The following SOX5 variants were observed in gnomAD, a reference collection of about 807,000 sequenced individuals.
The protein encoded by SOX5 is SRY-box transcription factor 5.
A neutral mutation model predicts 92.0 loss-of-function variants in SOX5; 9 were observed. That is an observed-to-expected ratio of 0.10 (90% CI 0.06 to 0.17). SOX5 has a LOEUF of 0.17. Ranked by LOEUF, SOX5 falls within the 10% of genes least tolerant of loss-of-function variation. The pLI is 1.00. For synonymous variants in SOX5, 344 were observed against 336.3 expected, an observed-to-expected ratio of 1.02 and a Z score of -0.25; for missense variants, 642 against 944.5, an observed-to-expected ratio of 0.68 and a Z score of 4.20.
intron 8 of SOX5, among the ~76,000 whole-genome samples, chr12:23,618,680 A>G (rs1203593335): frequency 6.6e-6 from 1 of 152,164 alleles, no homozygotes; most frequent in African/African-American, 2.4e-5. Context: ...GAGTTTGGTG[A>G]GAAAGATGAA....
chr12:24,165,128 T>C (rs1452566152), intron 4 of SOX5, among the ~76,000 whole-genome samples: 1 of 152,124 alleles, frequency 6.6e-6, no homozygotes, highest in Non-Finnish European at 1.5e-5. Flanking sequence ...ACTTTGTGCA[T>C]ATGCCTAGTT....
chr12:23,968,103 T>C (rs1469210909), intron 4 of SOX5, among the ~76,000 whole-genome samples: 3 of 152,204 alleles, frequency 2.0e-5, no homozygotes, highest in African/African-American at 7.2e-5. Context: ...AAATAGTTGA[T>C]GCCAGAATGC....
At chr12:24,403,423 C>T (rs1962212861) in intron 1 of SOX5, among the ~76,000 whole-genome samples, 1 of 152,146 alleles carries the variant, frequency 6.6e-6, no homozygotes, top group South Asian at 2.1e-4. Context: ...CTCAGTAAAG[C>T]TCGGTTGAAT....
intron 4 of SOX5, among the ~76,000 whole-genome samples, chr12:23,963,796 A>G (rs1361262820): frequency 1.3e-5 from 2 of 150,460 alleles, no homozygotes; most frequent in Non-Finnish European, 3.0e-5. Flanking sequence ...GGAAGGCTAT[A>G]TATTCCATAC....
chr12:23,830,984 C>T (rs1356106083), intron 3 of SOX5, among the ~76,000 whole-genome samples: 2 of 152,072 alleles, frequency 1.3e-5, no homozygotes, highest in Non-Finnish European at 2.9e-5. Context: ...GTCTTTGCTA[C>T]AGAATAATTA....
In SOX5 at chr12:24,204,376, T is replaced by A. The variant is rs1249475672; in HGVS notation, c.-2+8967A>T. ...TGGACTTCCACTCTGTCGCCCAGGCTGGAGTGCAGTGGCACAATTCCGGCT... is the reference window on the plus strand; with the variant it reads ...TGGACTTCCACTCTGTCGCCCAGGCAGGAGTGCAGTGGCACAATTCCGGCT... On this transcript the variant is annotated intron_variant, in intron 4 of 4. Transcript: ENST00000446891. Among the ~76,000 whole-genome samples, 4 of 151,966 alleles carry A rather than the reference T, an allele frequency of 2.6e-5. No homozygotes were observed. The East Asian group carries it at 7.7e-4, about 29-fold the overall frequency.
intron 8 of SOX5, among the ~76,000 whole-genome samples, chr12:23,612,052 A>G (rs1172804938): frequency 2.0e-5 from 3 of 152,138 alleles, no homozygotes; most frequent in African/African-American, 4.8e-5. Flanking sequence ...ATGGAGAGTG[A>G]TAAGAGCATG....
chr12:24,463,492 G>T (rs184461465), intron 1 of SOX5, among the ~76,000 whole-genome samples: 87 of 152,226 alleles, frequency 5.7e-4, no homozygotes, highest in Non-Finnish European at 1.0e-3. Flanking sequence ...CTGAAATACA[G>T]TTTGACAGCC....
chr12:23,752,997 CAACATGAAAAAT>C (rs1383001168), intron 4 of SOX5, among the ~76,000 whole-genome samples: 3 of 151,608 alleles, frequency 2.0e-5, no homozygotes, highest in African/African-American at 7.3e-5. Context: ...TAAAATAATC[CAACATGAAAAAT>C]AACTTTATGC....
intron 2 of SOX5, among the ~76,000 whole-genome samples, chr12:24,357,134 T>G (rs1954934225): frequency 6.6e-6 from 1 of 152,178 alleles, no homozygotes; most frequent in South Asian, 2.1e-4. Context: ...TGGATTACAT[T>G]TTGAGAGACT....
At chr12:23,724,572 T>G (rs1450352815) in intron 6 of SOX5, among the ~76,000 whole-genome samples, 2 of 152,190 alleles carry the variant, frequency 1.3e-5, no homozygotes, top group Non-Finnish European at 2.9e-5. Context: ...TTTAACCTTA[T>G]TTGCTACTGT....
intron 3 of SOX5, among the ~76,000 whole-genome samples, chr12:23,765,681 T>C (rs921650350): frequency 6.6e-6 from 1 of 152,142 alleles, no homozygotes; most frequent in Non-Finnish European, 1.5e-5. Flanking sequence ...TTGCTTTTAA[T>C]GGCATAAAGT....
At chr12:24,373,988 A>G (rs943547978) in intron 1 of SOX5, among the ~76,000 whole-genome samples, 2 of 152,226 alleles carry the variant, frequency 1.3e-5, no homozygotes, top group African/African-American at 2.4e-5. Flanking sequence ...ATTTGAGAGT[A>G]AAAAGCAGTG....
intron 1 of SOX5, among the ~76,000 whole-genome samples, chr12:24,555,744 A>AGTGT (rs1007821877): frequency 6.6e-6 from 1 of 151,896 alleles, no homozygotes; most frequent in Non-Finnish European, 1.5e-5. Flanking sequence ...CATGTGTGTG[A>AGTGT]GTGTGTGTGT....
chr12:23,983,874 CAAATT>C (rs1949824454), intron 4 of SOX5, among the ~76,000 whole-genome samples: 1 of 151,936 alleles, frequency 6.6e-6, no homozygotes, highest in African/African-American at 2.4e-5. Flanking sequence ...TAAGGTAAAA[CAAATT>C]AAAACAAAAA....
intron 3 of SOX5, among the ~76,000 whole-genome samples, chr12:24,220,237 A>G (rs1366166764): frequency 6.6e-6 from 1 of 152,128 alleles, no homozygotes; most frequent in African/African-American, 2.4e-5. Context: ...TCAAGTAGAT[A>G]TAGCATTTAT....
At chr12:23,547,917 A>G (rs1049160887) in intron 11 of SOX5, among the ~76,000 whole-genome samples, 2 of 152,098 alleles carry the variant, frequency 1.3e-5, no homozygotes, top group Admixed American at 6.6e-5. Flanking sequence ...AGTCGGCTGT[A>G]TATATTCAGC....
chr12:24,271,996 C>T (rs7306949), intron 3 of SOX5, among the ~76,000 whole-genome samples: 2,677 of 151,856 alleles, frequency 0.018, 75 homozygotes, highest in African/African-American at 0.061. Flanking sequence ...CACACACACA[C>T]ACAATGTACA....
intron 4 of SOX5, among the ~76,000 whole-genome samples, chr12:23,960,269 T>G (rs1412625964): frequency 2.0e-5 from 3 of 151,984 alleles, no homozygotes; most frequent in Non-Finnish European, 2.9e-5. Context: ...AGCAAAAGCT[T>G]ACACACACAC....
Sources: allele counts gnomAD v4.1 joint callset (sites outside exome capture counted in the v4.1 genomes callset), GRCh38; gene constraint gnomAD v4.1.1; transcripts MANE v1.5; gene names NCBI Gene and HGNC (gene_info 2026-07-23, HGNC 2026-07-21).